Variants in PPP3CA observed in about 807,000 individuals in gnomAD.
PPP3CA encodes protein phosphatase 3 catalytic subunit alpha, also known as CAM-PRP catalytic subunit.
In PPP3CA, 14 loss-of-function variants were observed where a neutral mutation model predicts 66.5. The ratio of observed to expected loss-of-function variants is 0.21; its 90% CI spans 0.14 to 0.33. PPP3CA has a LOEUF of 0.33. Among genes scored for constraint, PPP3CA ranks in the 10% least tolerant of loss-of-function variants. The pLI, the probability that PPP3CA is intolerant of heterozygous loss-of-function variation, is 1.00. For synonymous variants in PPP3CA, 232 were observed against 226.2 expected (o/e 1.03, Z -0.23); for missense variants, 317 against 639.5 (o/e 0.50, Z 5.44).
intron 1 of PPP3CA, among the ~76,000 whole-genome samples, chr4:101,341,266 A>C (rs58629361): frequency 0.11 from 15,705 of 148,590 alleles, 2,830 homozygotes; most frequent in African/African-American, 0.37. Context: ...CCACCTCAGC[A>C]TCCCAAAGTG....
intron 1 of PPP3CA, among the ~76,000 whole-genome samples, chr4:101,287,064 C>A (rs1416538803): frequency 6.6e-6 from 1 of 151,252 alleles, no homozygotes; most frequent in Non-Finnish European, 1.5e-5. Context: ...TATTAATATA[C>A]CTTTTCTCTT....
chr4:101,260,913 C>T (rs1726990141), intron 1 of PPP3CA, among the ~76,000 whole-genome samples: 2 of 152,016 alleles, frequency 1.3e-5, no homozygotes, highest in South Asian at 4.1e-4. Flanking sequence ...CTTCCACTGT[C>T]CCAGGGAATA....
At chr4:101,219,593 T>C (rs890648225) in intron 1 of PPP3CA, among the ~76,000 whole-genome samples, 1 of 151,888 alleles carries the variant, frequency 6.6e-6, no homozygotes, top group Non-Finnish European at 1.5e-5. Context: ...AATTATATTA[T>C]TCTCAACCAT....
intron 11 of PPP3CA, among the ~76,000 whole-genome samples, chr4:101,034,947 A>G (rs772014299): frequency 1.3e-5 from 2 of 152,080 alleles, no homozygotes; most frequent in Non-Finnish European, 2.9e-5. Flanking sequence ...TACATACAAA[A>G]TCTTGGTGTC....
chr4:101,048,325 C>T (rs1379673526), intron 10 of PPP3CA, among the ~76,000 whole-genome samples: 4 of 151,696 alleles, frequency 2.6e-5, no homozygotes, highest in South Asian at 2.1e-4. Context: ...ATGGTAATCG[C>T]GACAGTACAA....
chr4:101,053,079 T>C (rs1024315113), intron 10 of PPP3CA, among the ~76,000 whole-genome samples: 6 of 152,102 alleles, frequency 3.9e-5, no homozygotes, highest in African/African-American at 1.4e-4. Flanking sequence ...CATCACTGAA[T>C]ATATGGTAAA....
intron 2 of PPP3CA, chr4:101,158,192 G>A (rs758129361): frequency 6.6e-6 from 1 of 152,148 alleles, no homozygotes; most frequent in Non-Finnish European, 1.5e-5. Flanking sequence ...AATTCAGAGA[G>A]AATTATTCAC....
At chr4:101,323,268 C>T (rs899607119) in intron 1 of PPP3CA, among the ~76,000 whole-genome samples, 3 of 152,126 alleles carry the variant, frequency 2.0e-5, no homozygotes, top group Admixed American at 6.5e-5. Flanking sequence ...CTATAAAATG[C>T]TACTAATCTA....
chr4:101,044,088 A>C (rs28648715), intron 10 of PPP3CA, among the ~76,000 whole-genome samples: 1 of 152,128 alleles, frequency 6.6e-6, no homozygotes, highest in African/African-American at 2.4e-5. Flanking sequence ...ATATAATCTC[A>C]CAAAGATTTA....
At chr4:101,113,724 G>C (rs1175853371) in intron 2 of PPP3CA, among the ~76,000 whole-genome samples, 1 of 152,088 alleles carries the variant, frequency 6.6e-6, no homozygotes, top group Non-Finnish European at 1.5e-5. Flanking sequence ...CAAAAGGATG[G>C]AGGCTGGGCC....
rs1729517085 is a variant in PPP3CA, at chr4:101,083,236, C to T, written c.810G>A (p.Gln270=). The stretch of plus-strand genomic sequence containing the variant: ...GGAGTATAGATAACAAGTTATTGTG[C>T]TGTAAGAATTCACATACAGCCGGGT... The part of the protein sequence containing the change: ...YSYPAVCEFL[Q]HNNLLSILRA... The change falls in exon 7 of 14, where the codon CAG becomes CAA. Residue 270 remains glutamine, a synonymous_variant. Coordinates refer to ENST00000394854, the MANE Select transcript of PPP3CA (RefSeq NM_000944.5). The T allele has an allele frequency of 6.2e-7, 1 of 1,606,768 alleles. No homozygotes were observed. The highest frequency in any genetic ancestry group is 1.7e-5 in the Admixed American group (1 of 59,260).
chr4:101,252,563 G>T (rs960729943), intron 1 of PPP3CA, among the ~76,000 whole-genome samples: 2 of 152,068 alleles, frequency 1.3e-5, no homozygotes, highest in African/African-American at 4.8e-5. Flanking sequence ...ATAACTCCAT[G>T]GTAATGGTTT....
chr4:101,121,240 T>C (rs1722017555), intron 2 of PPP3CA, among the ~76,000 whole-genome samples: 1 of 152,038 alleles, frequency 6.6e-6, no homozygotes, highest in Non-Finnish European at 1.5e-5. Flanking sequence ...GAAACACATA[T>C]TCATAATATG....
At chr4:101,139,696 G>GTTTTTTTTTTTTT (rs372257350) in intron 2 of PPP3CA, among the ~76,000 whole-genome samples, 184 of 98,250 alleles carry the variant, frequency 1.9e-3, no homozygotes, top group East Asian at 4.0e-3. Flanking sequence ...TTTTTTTTGT[G>GTTTTTTTTTTTTT]TTTTTTTTTT....
chr4:101,238,078 T>C (rs1726183005), intron 1 of PPP3CA, among the ~76,000 whole-genome samples: 1 of 152,018 alleles, frequency 6.6e-6, no homozygotes, highest in Non-Finnish European at 1.5e-5. Context: ...AATCTTACAT[T>C]CTGTTTCTCG....
intron 1 of PPP3CA, among the ~76,000 whole-genome samples, chr4:101,345,770 T>A (rs562018910): frequency 6.6e-6 from 1 of 152,154 alleles, no homozygotes. Flanking sequence ...GCAACCTCAG[T>A]GCATCCTTGC....
intron 2 of PPP3CA, among the ~76,000 whole-genome samples, chr4:101,190,418 T>C (rs1174834741): frequency 6.6e-6 from 1 of 152,184 alleles, no homozygotes; most frequent in Non-Finnish European, 1.5e-5. Context: ...ATATGTATAC[T>C]GTGTCTTAAA....
intron 2 of PPP3CA, among the ~76,000 whole-genome samples, chr4:101,139,832 G>A (rs905877958): frequency 1.9e-4 from 29 of 151,542 alleles, no homozygotes; most frequent in African/African-American, 7.0e-4. Flanking sequence ...TATTGGCTTG[G>A]GGTGTAAATC....
intron 1 of PPP3CA, among the ~76,000 whole-genome samples, chr4:101,310,521 T>C (rs1728688992): frequency 6.6e-6 from 1 of 151,806 alleles, no homozygotes; most frequent in Admixed American, 6.6e-5. Context: ...TCTACAAAAA[T>C]AAAAAATCTC....
Sources: allele counts gnomAD v4.1 joint callset (sites outside exome capture counted in the v4.1 genomes callset), GRCh38; gene constraint gnomAD v4.1.1; transcripts MANE v1.5; gene names NCBI Gene and HGNC (gene_info 2026-07-23, HGNC 2026-07-21).